The following ABCF3 variants were observed in gnomAD, a reference collection of about 807,000 sequenced individuals.
The protein encoded by ABCF3 is ATP-binding cassette sub-family F member 3.
A neutral mutation model predicts 94.3 loss-of-function variants in ABCF3; 62 were observed. The ratio of observed to expected loss-of-function variants is 0.66; its 90% CI spans 0.54 to 0.81. The LOEUF (loss-of-function observed/expected upper bound fraction) is 0.81, where lower values mean the gene tolerates loss of function less well. ABCF3 is among the 40% of genes least tolerant of loss of function. The pLI is 0.00. For synonymous variants in ABCF3, 355 were observed against 361.1 expected (o/e 0.98, Z 0.19); for missense variants, 843 against 925.3 (o/e 0.91, Z 1.15).
At chr3:184,188,052 C>T (rs1715755436) in intron 6 of ABCF3, 69 bp downstream of exon 6, 48 of 1,612,480 alleles carry the variant, frequency 3.0e-5, no homozygotes, top group Middle Eastern at 1.6e-4. Flanking sequence ...AGAGGTGAAA[C>T]GGGGCTATAA....
chr3:184,190,257 G>A, intron 14 of ABCF3: 1 of 380,000 alleles, frequency 2.6e-6, no homozygotes, highest in Non-Finnish European at 4.8e-6. Context: ...CCATATTGTA[G>A]CGTGCGTCAG....
chr3:184,191,344 G>GGAC lies in ABCF3; in HGVS notation c.1569+92_1569+94dup, dbSNP rs1716012525. The GGAC allele has an allele frequency of 1.9e-6, 3 of 1,588,186 alleles. No homozygotes were observed. In the South Asian group the frequency reaches 3.3e-5, roughly 18 times the overall value. ...TGGCCCAGATCCTCAGGCTGTAAAG[G>GGAC]GACGAGGTCTGTGGAACAGGAGTGA... On this transcript the variant is annotated intron_variant, in intron 16 of 20. Transcript: ENST00000429586.
intron 17 of ABCF3, 47 bp from the exon 18 acceptor site, chr3:184,192,758 G>A (rs377111184): frequency 1.4e-4 from 220 of 1,611,172 alleles, no homozygotes; most frequent in Non-Finnish European, 1.4e-4. Flanking sequence ...GCGCTCCTTC[G>A]TGGCCATTGC....
chr3:184,188,572 C>T (rs1455151936), intron 7 of ABCF3, 165 bp downstream of exon 7: 5 of 1,077,148 alleles, frequency 4.6e-6, no homozygotes, highest in South Asian at 1.6e-5. Context: ...GTGCCCATTG[C>T]CCTTTCTTGT....
chr3:184,187,242 T>C lies in ABCF3; in HGVS notation c.302-155T>C, dbSNP rs1715692439. 9.4e-6 allele frequency: 8 copies of C among 849,324 alleles called. No homozygotes were observed. The Admixed American group carries it at 1.6e-4, about 17-fold the overall frequency. The allele number at this position is 849,324 out of a possible 1,614,324, so 52.6% of individuals were successfully genotyped here. On this transcript the variant is annotated intron_variant, in intron 3 of 20. Coordinates refer to ENST00000429586, the MANE Select transcript of ABCF3 (RefSeq NM_018358.3). ...AGTTTTGTTTTGTTTTGTTTTGTTT[T>C]GTTTTTAGTGCAGGGAAGATAATAG...
intron 14 of ABCF3, 21 bp from the exon 15 acceptor site, chr3:184,190,978 C>T: frequency 1.2e-6 from 2 of 1,613,630 alleles, no homozygotes; most frequent in Non-Finnish European, 1.7e-6. Flanking sequence ...TAAATCTAGT[C>T]TACCTCATCT....
intron 14 of ABCF3, chr3:184,190,793 A>C: frequency 1.7e-6 from 1 of 598,950 alleles, no homozygotes. Flanking sequence ...GAAACATATC[A>C]CAATATAGTA....
In ABCF3 at chr3:184,189,632, C is replaced by A; in HGVS notation, c.1189C>A (p.Leu397Met). The A allele has an allele frequency of 6.2e-7, 1 of 1,614,250 alleles. No individual in the cohort carries two copies. The change falls in exon 13 of 21, where the codon CTG (leucine) becomes ATG (methionine). Residue 397 changes from leucine to methionine, a missense_variant. Leu to Met is a conservative substitution (Grantham distance 15, BLOSUM62 2). Transcript: ENST00000429586. ...LNAIATDIIH[L>M]HSQRLDGYRG... Reference sequence around the variant, plus strand: ...TGCCATCGCCACAGACATCATCCACCTGCACAGCCAGCGGCTAGATGGTTA... The same window carrying A: ...TGCCATCGCCACAGACATCATCCACATGCACAGCCAGCGGCTAGATGGTTA...
In ABCF3 at chr3:184,188,314, C is replaced by A. The variant is rs754647500; in HGVS notation, c.743C>A (p.Thr248Asn). 4 of 1,614,130 alleles carry A rather than the reference C, an allele frequency of 2.5e-6. No individual in the cohort carries two copies. The highest frequency in any genetic ancestry group is 4.5e-5 in the East Asian group (2 of 44,886). ...HVEQEVAGDD[T>N]PALQSVLESD... ...GAGCAAGAGGTTGCTGGAGATGACA[C>A]TCCTGCCCTGCAGAGTGTGCTGGAG... Residue 248 changes from threonine to asparagine, a missense_variant, in exon 7 of 21, where the codon ACT becomes AAT. Thr to Asn is a moderately conservative substitution (Grantham distance 65). Coordinates refer to ENST00000429586, the MANE Select transcript of ABCF3 (RefSeq NM_018358.3).
At chr3:184,192,147 G>A (rs984686523) in intron 16 of ABCF3, among the ~76,000 whole-genome samples, 17 of 152,076 alleles carry the variant, frequency 1.1e-4, no homozygotes, top group African/African-American at 2.2e-4. Context: ...TACACACAGC[G>A]GTGCTCTTTT....
In ABCF3 at chr3:184,188,275, C is replaced by T. The variant is rs924023051; in HGVS notation, c.704C>T (p.Ser235Phe). 1.2e-6 allele frequency: 2 copies of T among 1,614,202 alleles called. No homozygotes were observed. Among genetic ancestry groups the T allele is most frequent in the South Asian group, 2.2e-5 (2 of 91,090 alleles). The change falls in exon 7 of 21, where the codon TCC becomes TTC. Residue 235 changes from serine (S) to phenylalanine (F), a missense_variant. Coordinates refer to ENST00000429586, the MANE Select transcript of ABCF3 (RefSeq NM_018358.3). ...AGTCTGCGGGTTCCAGCCCACATTT[C>T]CCTGCTGCACGTTGAGCAAGAGGTT... ...TRSLRVPAHISLLHVEQEVAG... is the reference protein window; with the variant it reads ...TRSLRVPAHIFLLHVEQEVAG...
rs1302814413 is a variant in ABCF3, at chr3:184,192,651, G to A, written c.1620G>A (p.Gly540=). Residue 540 remains glycine (G), a synonymous_variant, in exon 17 of 21, where the codon GGG becomes GGA. Transcript: ENST00000429586. Reference sequence around the variant, plus strand: ...CTACCATGCTGAAGCTGCTTTTGGGGGACCTGGCACCTGTTCGGGGCATCA... The same window carrying A: ...CTACCATGCTGAAGCTGCTTTTGGGAGACCTGGCACCTGTTCGGGGCATCA... ...GKSTMLKLLL[G]DLAPVRGIRH... 3.7e-6 allele frequency: 6 copies of A among 1,610,328 alleles called. No individual in the cohort carries two copies. Among genetic ancestry groups the A allele is most frequent in the Admixed American group, 3.4e-5 (2 of 58,346 alleles).
chr3:184,190,810 G>A (rs371683283), intron 14 of ABCF3, 189 bp from the exon 15 acceptor site: 1 of 656,510 alleles, frequency 1.5e-6, no homozygotes, highest in African/African-American at 1.8e-5. Context: ...AGTAACTGGG[G>A]ATAAAAAGTC....
intron 7 of ABCF3, 59 bp downstream of exon 7, chr3:184,188,466 G>A (rs115691513): frequency 7.1e-5 from 110 of 1,550,800 alleles, no homozygotes; most frequent in South Asian, 1.3e-4. Context: ...AGCGCCTGCC[G>A]TCCTGGAACA....
chr3:184,193,152 G>A lies in ABCF3; in HGVS notation c.1801G>A (p.Gly601Arg), dbSNP rs536637150. Residue 601 changes from glycine (G) to arginine (R), a missense_variant, in exon 19 of 21, where the codon GGA (glycine) becomes AGA (arginine). Coordinates refer to ENST00000429586, the MANE Select transcript of ABCF3 (RefSeq NM_018358.3). This position sits in a 1 kb window ranked among gnomAD's most constrained non-coding sequence, Gnocchi z 5.2. ...CCAGCTGGGTCGGTATGGCATCTCC[G>A]GAGAACTGGCCATGCGTCCTCTTGC... ...RHQLGRYGIS[G>R]ELAMRPLASL... 11 of 1,564,508 alleles carry A rather than the reference G, an allele frequency of 7.0e-6. No individual in the cohort carries two copies. Among genetic ancestry groups the A allele is most frequent in the Admixed American group, 5.7e-5 (3 of 52,772 alleles).
chr3:184,188,705 G>A, intron 7 of ABCF3, 56 bp from the exon 8 acceptor site: 1 of 1,565,294 alleles, frequency 6.4e-7, no homozygotes, highest in Non-Finnish European at 8.8e-7. Context: ...ATAGGGTGCA[G>A]GACATCCTCC....
intron 3 of ABCF3, chr3:184,187,139 T>C: frequency 3.2e-6 from 2 of 632,138 alleles, no homozygotes; most frequent in Non-Finnish European, 2.8e-6. Flanking sequence ...TTTTGCAACT[T>C]GCTAACCAGC....
At position 184,186,657 on chromosome 3, in the gene ABCF3, A is replaced by T; in HGVS notation, c.221+3A>T. On this transcript the variant is annotated splice_donor_region_variant and intron_variant, in intron 2 of 20. Transcript: ENST00000429586. ...CGCATGTACAACACTCTGCGTCTGT[A>T]TGTGCCAGGGAGTAGGGGTTGATGG... The T allele has an allele frequency of 6.2e-7, 1 of 1,606,376 alleles. No individual in the cohort carries two copies. The highest frequency in any genetic ancestry group is 8.5e-7 in the Non-Finnish European group (1 of 1,175,506).
rs376827801 is a variant in ABCF3, at chr3:184,187,632, C to G, written c.349-32C>G. 7 of 1,611,782 alleles carry G rather than the reference C, an allele frequency of 4.3e-6. No individual in the cohort carries two copies. The African/African-American group carries it at 9.3e-5, about 22-fold the overall frequency. On this transcript the variant is annotated intron_variant, in intron 4 of 20. Coordinates refer to ENST00000429586, the MANE Select transcript of ABCF3 (RefSeq NM_018358.3). The stretch of plus-strand genomic sequence containing the variant: ...TGGGGTTCCTTTCTGAGCCTACACC[C>G]GAGAGTGAAGTCGATGTGTTTGGAC...
Sources: allele counts gnomAD v4.1 joint callset (sites outside exome capture counted in the v4.1 genomes callset), GRCh38; gene constraint gnomAD v4.1.1; non-coding constraint Gnocchi (gnomAD v3.1); transcripts MANE v1.5; gene names NCBI Gene and HGNC (gene_info 2026-07-23, HGNC 2026-07-21).